Variants in PXYLP1 observed in about 807,000 individuals in gnomAD.
PXYLP1 encodes the protein 2-phosphoxylose phosphatase 1.
In PXYLP1, 17 loss-of-function variants were observed where a neutral mutation model predicts 37.9. That is an observed-to-expected ratio of 0.45 (90% CI 0.31 to 0.67). The LOEUF is 0.67. Among genes scored for constraint, PXYLP1 ranks in the 30% least tolerant of loss-of-function variants. The pLI is 0.07. For synonymous variants in PXYLP1, 221 were observed against 232.2 expected, an observed-to-expected ratio of 0.95 and a Z score of 0.44; for missense variants, 511 against 612.0, an observed-to-expected ratio of 0.84 and a Z score of 1.74.
rs1158832719 is a variant in PXYLP1, at chr3:141,248,705, GTATA to G, written c.-53-11413_-53-11410del. ...TATACACACGTATATACACACACGT[GTATA>G]TATACACACGTATATACACACACGT... On this transcript the variant is annotated intron_variant, in intron 1 of 5. Coordinates refer to ENST00000286353, the MANE Select transcript of PXYLP1 (RefSeq NM_001037172.3). Among the ~76,000 whole-genome samples the G allele has an allele frequency of 6.0e-4, 12 of 20,126 alleles. 3 individuals are homozygous for G. Among genetic ancestry groups the G allele is most frequent in the Non-Finnish European group, 9.4e-4 (12 of 12,812 alleles). The allele number at this position is 20,126 out of a possible 152,430, so 13.2% of individuals were successfully genotyped here. A position where few individuals can be genotyped will look rare whatever the true frequency, so the allele number is the denominator to read the frequency against.
chr3:141,238,946 G>C (rs1344495260), intron 1 of PXYLP1, among the ~76,000 whole-genome samples: 3 of 152,068 alleles, frequency 2.0e-5, no homozygotes, highest in Non-Finnish European at 4.4e-5. Flanking sequence ...GGTTGGTCTT[G>C]CTGTCTCAGG....
chr3:141,274,939 G>C (rs1941757461), intron 2 of PXYLP1, among the ~76,000 whole-genome samples: 1 of 152,330 alleles, frequency 6.6e-6, no homozygotes, highest in Non-Finnish European at 1.5e-5. Context: ...GAAACATCCT[G>C]TGGGGTGGGA....
At chr3:141,259,595 G>C (rs1941344437) in intron 1 of PXYLP1, among the ~76,000 whole-genome samples, 2 of 152,146 alleles carry the variant, frequency 1.3e-5, no homozygotes, top group South Asian at 4.1e-4. Flanking sequence ...AGTCGGTGTA[G>C]GAGCAAATCC....
At chr3:141,267,822 C>CCTCCCTCCCTCCCTCTCTGT (rs369051339) in intron 2 of PXYLP1, among the ~76,000 whole-genome samples, 3 of 151,620 alleles carry the variant, frequency 2.0e-5, no homozygotes, top group Admixed American at 1.3e-4. Context: ...TAGATAATGA[C>CCTCCCTCCCTCCCTCTCTGT]CTCCCTCCCT....
intron 2 of PXYLP1, among the ~76,000 whole-genome samples, chr3:141,266,496 C>A (rs117912477): frequency 2.6e-5 from 4 of 152,014 alleles, no homozygotes; most frequent in African/African-American, 9.7e-5. Context: ...CAAGGGGCCA[C>A]GAAGGAGACA....
At chr3:141,250,103 A>G (rs149608027) in intron 1 of PXYLP1, among the ~76,000 whole-genome samples, 152 of 150,404 alleles carry the variant, frequency 1.0e-3, no homozygotes, top group African/African-American at 3.8e-3. Context: ...ATGGTAGCTA[A>G]ATAATTAATG....
chr3:141,251,815 G>A (rs192453299), intron 1 of PXYLP1, among the ~76,000 whole-genome samples: 16 of 152,332 alleles, frequency 1.1e-4, no homozygotes, highest in Non-Finnish European at 1.5e-5. Flanking sequence ...GCATGGTCTA[G>A]TGGAGATTCT....
In PXYLP1 at chr3:141,265,224, C is replaced by T. The variant is rs575266373; in HGVS notation, c.79+4970C>T. ...CTGAGGCTGTGAGGAGCCACTGAAG[C>T]GAGGAAGACACCATCAGATTTGTGT... On this transcript the variant is annotated intron_variant, in intron 2 of 5. Coordinates refer to ENST00000286353, the MANE Select transcript of PXYLP1 (RefSeq NM_001037172.3). 5.3e-5 allele frequency among the ~76,000 whole-genome samples: 8 copies of T among 151,984 alleles called. No homozygotes were observed. The East Asian group carries it at 1.2e-3, about 22-fold the overall frequency.
At chr3:141,250,351 T>C (rs528655923) in intron 1 of PXYLP1, among the ~76,000 whole-genome samples, 93 of 152,372 alleles carry the variant, frequency 6.1e-4, no homozygotes, top group Non-Finnish European at 9.7e-4. Flanking sequence ...TTAGAATAAT[T>C]GTGCATGTTG....
intron 1 of PXYLP1, among the ~76,000 whole-genome samples, chr3:141,248,887 A>C (rs1941076622): frequency 7.0e-6 from 1 of 143,684 alleles, no homozygotes; most frequent in Admixed American, 6.7e-5. Flanking sequence ...ATATGGAGAG[A>C]GAGACAGAGT....
At chr3:141,250,597 G>A (rs1941119519) in intron 1 of PXYLP1, among the ~76,000 whole-genome samples, 1 of 152,232 alleles carries the variant, frequency 6.6e-6, no homozygotes, top group Non-Finnish European at 1.5e-5. Flanking sequence ...GCCTGGGGGA[G>A]GGATTTCTGG....
At chr3:141,251,304 A>C (rs1156255921) in intron 1 of PXYLP1, among the ~76,000 whole-genome samples, 1 of 152,114 alleles carries the variant, frequency 6.6e-6, no homozygotes. Flanking sequence ...TTCCATCTGC[A>C]TGGTGAAAGT....
At position 141,248,565 on chromosome 3, in the gene PXYLP1, A is replaced by ATG. The variant is rs1392808753; in HGVS notation, c.-53-11557_-53-11556insGT. On this transcript the variant is annotated intron_variant, in intron 1 of 5. Coordinates refer to ENST00000286353, the MANE Select transcript of PXYLP1 (RefSeq NM_001037172.3). ...CACACGTATATATACACACGTGTAT[A>ATG]TATATACACACATGTATATATACAC... Among the ~76,000 whole-genome samples the ATG allele has an allele frequency of 7.5e-5, 10 of 133,184 alleles. 1 individual carries two copies. Among genetic ancestry groups the ATG allele is most frequent in the African/African-American group, 2.7e-4 (9 of 33,074 alleles). 87.4% of individuals were successfully genotyped at this position (133,184 alleles called of 152,430 possible). A position where few individuals can be genotyped will look rare whatever the true frequency, so the allele number is the denominator to read the frequency against.
chr3:141,265,339 CA>C (rs34592411), intron 2 of PXYLP1, among the ~76,000 whole-genome samples: 30,262 of 125,634 alleles, frequency 0.24, 3,820 homozygotes, highest in African/African-American at 0.42. Context: ...GTTCCAAAAC[CA>C]AAAAAAAAAA....
At chr3:141,239,415 T>C (rs947078954) in intron 1 of PXYLP1, among the ~76,000 whole-genome samples, 1 of 152,198 alleles carries the variant, frequency 6.6e-6, no homozygotes, top group Non-Finnish European at 1.5e-5. Context: ...AGAAAGAAAG[T>C]ATATTTTGGG....
chr3:141,280,282 C>T (rs976476238), intron 4 of PXYLP1, among the ~76,000 whole-genome samples: 24 of 152,226 alleles, frequency 1.6e-4, no homozygotes, highest in Admixed American at 1.1e-3. Flanking sequence ...CCCGGGAGGG[C>T]GAGCCTGGTG....
In PXYLP1 at chr3:141,279,483, A is replaced by C. The variant is rs1366680078; in HGVS notation, c.344A>C (p.Asp115Ala). Residue 115 changes from aspartate to alanine, a missense_variant, in exon 4 of 6, where the codon GAC becomes GCC. Physicochemically the swap from Asp to Ala is moderately radical, Grantham distance 126. Transcript: ENST00000286353. ...VIPKTKRPEI[D>A]CTLVANRKPY... ...CCCAAAACAAAGCGACCAGAAATTG[A>C]CTGCACTCTGGTGGCTAACAGGTAA... The C allele has an allele frequency of 4.3e-6, 7 of 1,614,218 alleles. No individual in the cohort carries two copies. Among genetic ancestry groups the C allele is most frequent in the Middle Eastern group, 1.6e-4 (1 of 6,062 alleles).
At chr3:141,286,061 C>T (rs1356667735) in intron 4 of PXYLP1, among the ~76,000 whole-genome samples, 2 of 152,080 alleles carry the variant, frequency 1.3e-5, no homozygotes, top group Admixed American at 1.3e-4. Flanking sequence ...CAGGGGTTTG[C>T]CATTAGAACA....
chr3:141,245,779 A>T (rs1349573765), intron 1 of PXYLP1, among the ~76,000 whole-genome samples: 3 of 152,252 alleles, frequency 2.0e-5, no homozygotes, highest in African/African-American at 7.2e-5. Flanking sequence ...AGAGGTCCCT[A>T]AAATATCACC....
Sources: gnomAD v4.1 joint callset for allele counts (sites outside exome capture counted in the v4.1 genomes callset) on GRCh38, gnomAD v4.1.1 for gene constraint, MANE v1.5 for transcripts, NCBI Gene and HGNC (gene_info 2026-07-23, HGNC 2026-07-21) for gene names.